Variants in SMARCD3 observed in about 807,000 individuals in gnomAD.
SMARCD3 encodes SWI/SNF related BAF chromatin remodeling complex subunit D3.
SMARCD3 carries 14 observed loss-of-function variants against 58.0 expected under a neutral mutation model. The ratio of observed to expected loss-of-function variants is 0.24; its 90% confidence interval spans 0.16 to 0.38. The LOEUF (loss-of-function observed/expected upper bound fraction) is 0.38, where lower values mean the gene tolerates loss of function less well. Ranked by LOEUF, SMARCD3 falls within the 10% of genes least tolerant of loss-of-function variation. SMARCD3 has a pLI of 1.00. For missense variants in SMARCD3, 408 were observed against 636.9 expected, an observed-to-expected ratio of 0.64 and a Z score of 3.87; for synonymous variants, 253 against 253.8, an observed-to-expected ratio of 1.00 and a Z score of 0.03.
At chr7:151,265,523 G>C (rs551097629) in intron 2 of SMARCD3, among the ~76,000 whole-genome samples, 8 of 152,312 alleles carry the variant, frequency 5.3e-5, no homozygotes, top group Non-Finnish European at 1.0e-4. Flanking sequence ...CCACAGCTCT[G>C]CTCTTCAGGA....
intron 2 of SMARCD3, among the ~76,000 whole-genome samples, chr7:151,262,560 A>G (rs1338016585): frequency 6.6e-6 from 1 of 152,200 alleles, no homozygotes; most frequent in Non-Finnish European, 1.5e-5. Flanking sequence ...AGCTCCTGGG[A>G]AGTACTGCCC....
Position 151,242,963 on chromosome 7 carries a change from G to A in SMARCD3, c.334-120C>T. The A allele has an allele frequency of 8.0e-7, 1 of 1,252,984 alleles. No homozygotes were observed. The highest frequency in any genetic ancestry group is 1.4e-5 in the South Asian group (1 of 69,504). The allele number at this position is 1,252,984 out of a possible 1,614,324, so 77.6% of individuals were successfully genotyped here. A position where few individuals can be genotyped will look rare whatever the true frequency, so the allele number is the denominator to read the frequency against. On this transcript the variant is annotated intron_variant, in intron 3 of 12. Transcript: ENST00000262188. This position sits in a 1 kb window ranked among gnomAD's most constrained non-coding sequence, Gnocchi z 4.7. ...TGTCAGGGGAGCCATCCTACTTTTGGGCATGTAGCTTTGACAGTGGGAACA... is the reference window on the plus strand; with the variant it reads ...TGTCAGGGGAGCCATCCTACTTTTGAGCATGTAGCTTTGACAGTGGGAACA...
At chr7:151,264,913 C>A (rs1024583198) in intron 2 of SMARCD3, among the ~76,000 whole-genome samples, 2 of 152,204 alleles carry the variant, frequency 1.3e-5, no homozygotes, top group African/African-American at 4.8e-5. Context: ...AGTGTTCTAG[C>A]AGCCCAGGGG....
chr7:151,268,019 A>G (rs1795051596), intron 2 of SMARCD3, among the ~76,000 whole-genome samples: 1 of 152,202 alleles, frequency 6.6e-6, no homozygotes, highest in Non-Finnish European at 1.5e-5. Flanking sequence ...TTCTTAATGC[A>G]GTGTTTCTCA....
In SMARCD3 at chr7:151,245,946, C is replaced by T. The variant is rs1803239838; in HGVS notation, c.79-275G>A. ...CGAGCCTCGGGGCTGCGGAAGGTAC[C>T]GCAAAAATGAATATTAATGGCGCCT... On this transcript the variant is annotated intron_variant, in intron 1 of 12. Transcript: ENST00000262188. This position sits in a 1 kb window ranked among gnomAD's most constrained non-coding sequence, Gnocchi z 6.2. The T allele has an allele frequency of 3.0e-6, 1 of 333,638 alleles. No homozygotes were observed. The highest frequency in any genetic ancestry group is 5.4e-6 in the Non-Finnish European group (1 of 184,866). The allele number at this position is 333,638 out of a possible 1,614,324, so 20.7% of individuals were successfully genotyped here. A position where few individuals can be genotyped will look rare whatever the true frequency, so the allele number is the denominator to read the frequency against.
chr7:151,255,459 T>C (rs59828731), intron 2 of SMARCD3, among the ~76,000 whole-genome samples: 12,632 of 152,194 alleles, frequency 0.083, 672 homozygotes, highest in African/African-American at 0.14. Flanking sequence ...AGGCTTCCTT[T>C]GTGCGGATTC....
chr7:151,242,046 G>T lies in SMARCD3; in HGVS notation c.676-68C>A. ...GAGTGGTGGGGCCCAGGACTCTAGG[G>T]TGGTCCCTGACCCAAATCTGTGCTG... On this transcript the variant is annotated intron_variant, in intron 6 of 12. Coordinates refer to ENST00000262188, the MANE Select transcript of SMARCD3 (RefSeq NM_001003801.2). This position sits in a 1 kb window ranked among gnomAD's most constrained non-coding sequence, Gnocchi z 4.7. 6.5e-7 allele frequency: 1 copy of T among 1,546,550 alleles called. No individual in the cohort carries two copies. The highest frequency in any genetic ancestry group is 8.9e-7 in the Non-Finnish European group (1 of 1,119,546).
At chr7:151,256,212 C>T (rs562888403) in intron 2 of SMARCD3, among the ~76,000 whole-genome samples, 6 of 134,588 alleles carry the variant, frequency 4.5e-5, no homozygotes, top group South Asian at 2.4e-4. Flanking sequence ...AACAGAGTGT[C>T]GCCCTGTTGC....
In SMARCD3 at chr7:151,248,578, G is replaced by A; in HGVS notation, c.-16C>T. 2 of 1,613,574 alleles carry A rather than the reference G, an allele frequency of 1.2e-6. No homozygotes were observed. Among genetic ancestry groups the A allele is most frequent in the East Asian group, 2.2e-5 (1 of 44,860 alleles). On this transcript the variant is annotated 5_prime_UTR_variant, in exon 1 of 13. Coordinates refer to ENST00000262188, the MANE Select transcript of SMARCD3 (RefSeq NM_001003801.2). The surrounding 1 kb of genome is among the most constrained non-coding windows in gnomAD (Gnocchi z 6.1). The stretch of plus-strand genomic sequence containing the variant: ...CCGCGGCCATCGGGGTGGGCTCAGC[G>A]GCTCCTCTCACTCTCTCTCTCTCTT...
chr7:151,245,608 AGCCCGGGGG>A lies in SMARCD3; in HGVS notation c.133_141del (p.Pro45_Gly47del). 1 of 1,181,130 alleles carries A rather than the reference AGCCCGGGGG, an allele frequency of 8.5e-7. No individual in the cohort carries two copies. The highest frequency in any genetic ancestry group is 1.1e-6 in the Non-Finnish European group (1 of 942,830). 73.2% of individuals were successfully genotyped at this position (1,181,130 alleles called of 1,614,324 possible). ...ACGGCGGGGCTGCCCATGTACGGGG[AGCCCGGGGG>A]GCCCATGGGCGCCCCCTGGTGGGGC... On this transcript the variant is annotated inframe_deletion, in exon 2 of 13. Coordinates refer to ENST00000262188, the MANE Select transcript of SMARCD3 (RefSeq NM_001003801.2). The surrounding 1 kb of genome is among the most constrained non-coding windows in gnomAD (Gnocchi z 6.2).
chr7:151,239,304 T>A lies in SMARCD3; in HGVS notation c.1398+92A>T. The A allele has an allele frequency of 1.5e-6, 2 of 1,329,238 alleles. No individual in the cohort carries two copies. Among genetic ancestry groups the A allele is most frequent in the Non-Finnish European group, 1.1e-6 (1 of 923,218 alleles). The allele number at this position is 1,329,238 out of a possible 1,614,324, so 82.3% of individuals were successfully genotyped here. On this transcript the variant is annotated intron_variant, in intron 12 of 12. Coordinates refer to ENST00000262188, the MANE Select transcript of SMARCD3 (RefSeq NM_001003801.2). The surrounding 1 kb of genome is among the most constrained non-coding windows in gnomAD (Gnocchi z 7.0). ...GAGGCAGCGTGGTGAAGCTTTACTGTGGGGAGCTGCGAGGGCTGCCCACAA... is the reference window on the plus strand; with the variant it reads ...GAGGCAGCGTGGTGAAGCTTTACTGAGGGGAGCTGCGAGGGCTGCCCACAA...
intron 1 of SMARCD3, among the ~76,000 whole-genome samples, chr7:151,247,658 C>A (rs1049473567): frequency 6.6e-6 from 1 of 152,110 alleles, no homozygotes; most frequent in South Asian, 2.1e-4. Context: ...TCACCCATCC[C>A]AAGAGTCGCA....
chr7:151,266,335 G>C (rs1241163237), intron 2 of SMARCD3, among the ~76,000 whole-genome samples: 2 of 151,064 alleles, frequency 1.3e-5, no homozygotes, highest in Non-Finnish European at 2.9e-5. Flanking sequence ...TTGTCTTTTT[G>C]TCTCAAGAAT....
upstream of SMARCD3, chr7:151,248,909 C>T (rs1803410372): frequency 1.9e-5 from 3 of 160,104 alleles, no homozygotes; most frequent in East Asian, 3.8e-4. The surrounding 1 kb of genome is among the most constrained non-coding windows in gnomAD (Gnocchi z 6.1). Context: ...CGGCGAGGCG[C>T]GCCGACCAGC....
At position 151,242,305 on chromosome 7, in the gene SMARCD3, G is replaced by T; in HGVS notation, c.580-73C>A. On this transcript the variant is annotated intron_variant, in intron 5 of 12. Transcript: ENST00000262188. This position sits in a 1 kb window ranked among gnomAD's most constrained non-coding sequence, Gnocchi z 4.7. ...GGAGGAGCAGAAGGAGGCCAAGTTG[G>T]CAGCCGACAGGGCAGTGGGCTTAGA... 7.0e-7 allele frequency: 1 copy of T among 1,437,456 alleles called. No homozygotes were observed. Among genetic ancestry groups the T allele is most frequent in the Non-Finnish European group, 9.8e-7 (1 of 1,019,704 alleles). The allele number at this position is 1,437,456 out of a possible 1,614,324, so 89.0% of individuals were successfully genotyped here.
intron 2 of SMARCD3, chr7:151,275,014 G>C (rs1795298024): frequency 1.1e-6 from 1 of 950,082 alleles, no homozygotes; most frequent in South Asian, 1.4e-5. Flanking sequence ...AGAAATGCCG[G>C]GAGGGGGCCA....
rs868853635 is a variant in SMARCD3, at chr7:151,264,914, A to C, written c.39+10200T>G. Among the ~76,000 whole-genome samples the C allele has an allele frequency of 5.9e-5, 9 of 152,322 alleles. No homozygotes were observed. The South Asian group carries it at 1.9e-3, about 32-fold the overall frequency. ...CCAGGTGGGGAATTAGTGTTCTAGC[A>C]GCCCAGGGGCCCAAGGACTGGACAG... On this transcript the variant is annotated intron_variant, in intron 2 of 13. Transcript: ENST00000356800.
chr7:151,271,984 C>T (rs993634258), intron 2 of SMARCD3, among the ~76,000 whole-genome samples: 1 of 152,148 alleles, frequency 6.6e-6, no homozygotes. Flanking sequence ...AGGGTATTTC[C>T]TGAAGGTAGC....
chr7:151,270,790 G>C (rs998094551), intron 2 of SMARCD3, among the ~76,000 whole-genome samples: 1 of 152,210 alleles, frequency 6.6e-6, no homozygotes, highest in Admixed American at 6.5e-5. Flanking sequence ...GTGCTGGGCC[G>C]GGGTCTGATG....
Sources: allele counts gnomAD v4.1 joint callset (sites outside exome capture counted in the v4.1 genomes callset), GRCh38; gene constraint gnomAD v4.1.1; non-coding constraint Gnocchi (gnomAD v3.1); transcripts MANE v1.5; gene names NCBI Gene and HGNC (gene_info 2026-07-23, HGNC 2026-07-21).